GALNT17: variants seen among roughly 807,000 people sequenced by gnomAD.
GALNT17 encodes polypeptide N-acetylgalactosaminyltransferase 17.
In GALNT17, 29 loss-of-function variants were observed where a neutral mutation model predicts 63.7. That is an observed-to-expected ratio of 0.46 (90% CI 0.34 to 0.62). The LOEUF (loss-of-function observed/expected upper bound fraction) is 0.62. Among genes scored for constraint, GALNT17 ranks in the 20% least tolerant of loss-of-function variants. The pLI, the probability that GALNT17 is intolerant of heterozygous loss-of-function variation, is 0.01. For missense variants in GALNT17, 603 were observed against 799.6 expected (o/e 0.75, Z 2.97); for synonymous variants, 305 against 318.3 (o/e 0.96, Z 0.45).
intron 7 of GALNT17, among the ~76,000 whole-genome samples, chr7:71,667,015 C>A (rs963615319): frequency 6.6e-6 from 1 of 152,204 alleles, no homozygotes; most frequent in Non-Finnish European, 1.5e-5. Flanking sequence ...CTGAGAGTAG[C>A]ACCTGGCACA....
chr7:71,577,472 G>A (rs1789557768), intron 6 of GALNT17, among the ~76,000 whole-genome samples: 1 of 152,144 alleles, frequency 6.6e-6, no homozygotes, highest in Non-Finnish European at 1.5e-5. Context: ...AAGCCATCAT[G>A]GAGGAAAGGA....
intron 9 of GALNT17, among the ~76,000 whole-genome samples, chr7:71,684,077 T>G (rs1308001831): frequency 6.7e-6 from 1 of 150,088 alleles, no homozygotes; most frequent in African/African-American, 2.5e-5. Flanking sequence ...GGCTTGAACC[T>G]ATTTGGAACA....
intron 2 of GALNT17, among the ~76,000 whole-genome samples, chr7:71,363,427 T>G (rs1431871448): frequency 2.0e-5 from 3 of 152,234 alleles, no homozygotes; most frequent in Non-Finnish European, 4.4e-5. Context: ...ACACACGTTG[T>G]GTCCTGGTCA....
At chr7:71,197,185 T>G (rs1789067159) in intron 1 of GALNT17, among the ~76,000 whole-genome samples, 1 of 146,650 alleles carries the variant, frequency 6.8e-6, no homozygotes, top group East Asian at 2.0e-4. Context: ...ATAGTCACCC[T>G]GTTGTGCTTT....
At chr7:71,365,224 C>T (rs924914314) in intron 2 of GALNT17, among the ~76,000 whole-genome samples, 22 of 152,058 alleles carry the variant, frequency 1.4e-4, no homozygotes, top group African/African-American at 5.1e-4. Context: ...TAAGCCACCA[C>T]ATCCGGTCAT....
At chr7:71,370,004 T>C (rs1392957275) in intron 2 of GALNT17, among the ~76,000 whole-genome samples, 6 of 152,008 alleles carry the variant, frequency 3.9e-5, no homozygotes, top group African/African-American at 1.5e-4. Context: ...GAGGAAGCAA[T>C]TGGCCATGTA....
rs1789480882 is a variant in GALNT17, at chr7:71,216,523, AACAC to A, written c.238+83491_238+83494del. Among the ~76,000 whole-genome samples the A allele has an allele frequency of 3.9e-5, 6 of 151,952 alleles. No homozygotes were observed. In the South Asian group the frequency reaches 6.2e-4, roughly 16 times the overall value. ...CTAGGGGGTAATGTGCGCTTCTTAC[AACAC>A]ACACACATATACGTATATTATACAT... On this transcript the variant is annotated intron_variant, in intron 1 of 10. Transcript: ENST00000333538.
At chr7:71,675,364 A>AT (rs768911420) in intron 8 of GALNT17, among the ~76,000 whole-genome samples, 5 of 152,314 alleles carry the variant, frequency 3.3e-5, no homozygotes, top group Non-Finnish European at 7.4e-5. Flanking sequence ...TGAATGATAG[A>AT]TTTGATTGCA....
At position 71,699,138 on chromosome 7, in the gene GALNT17, C is replaced by T. The variant is rs371406556; in HGVS notation, c.1501-11623C>T. ...AGTGAGCCAAGATCATGCCACTGCA[C>T]GCCAGCCTAGGCAACAGAGCAAGAC... On this transcript the variant is annotated intron_variant, in intron 9 of 10. Transcript: ENST00000333538. 4.9e-4 allele frequency among the ~76,000 whole-genome samples: 66 copies of T among 133,950 alleles called. 1 individual carries two copies. Among genetic ancestry groups the T allele is most frequent in the African/African-American group, 1.5e-3 (52 of 35,630 alleles). The allele number at this position is 133,950 out of a possible 152,430, so 87.9% of individuals were successfully genotyped here.
At chr7:71,263,355 AAAAAC>A (rs1333934488) in intron 1 of GALNT17, among the ~76,000 whole-genome samples, 2 of 151,914 alleles carry the variant, frequency 1.3e-5, no homozygotes, top group Non-Finnish European at 2.9e-5. Context: ...CGAGACTCCA[AAAAAC>A]AAAACAAAAC....
chr7:71,304,146 C>T lies in GALNT17; in HGVS notation c.239-31404C>T, dbSNP rs183762073. On this transcript the variant is annotated intron_variant, in intron 1 of 10. Transcript: ENST00000333538. ...CTAGTTTCTGCAATTAGGGGAACCA[C>T]GTAGTTGATTTTTGCAAGCTTTCCT... 3.1e-3 allele frequency among the ~76,000 whole-genome samples: 477 copies of T among 152,264 alleles called. 2 individuals carry two copies. The highest frequency in any genetic ancestry group is 5.7e-3 in the Admixed American group (87 of 15,296).
intron 6 of GALNT17, among the ~76,000 whole-genome samples, chr7:71,617,688 G>A (rs1223978120): frequency 6.6e-6 from 1 of 151,700 alleles, no homozygotes; most frequent in African/African-American, 2.4e-5. Context: ...TGTCACCCAG[G>A]CTGGAGTGCT....
At chr7:71,453,111 A>G (rs1371623081) in intron 5 of GALNT17, among the ~76,000 whole-genome samples, 2 of 152,266 alleles carry the variant, frequency 1.3e-5, no homozygotes, top group East Asian at 1.9e-4. Context: ...GGGCATAAGT[A>G]CCCTGCCTGG....
intron 1 of GALNT17, among the ~76,000 whole-genome samples, chr7:71,142,529 G>A (rs1288376968): frequency 1.3e-5 from 2 of 152,228 alleles, no homozygotes; most frequent in Admixed American, 6.5e-5. Context: ...TCCTTGCCGC[G>A]AGGCGTAGAC....
At chr7:71,620,779 A>G (rs1790278366) in intron 6 of GALNT17, among the ~76,000 whole-genome samples, 2 of 152,212 alleles carry the variant, frequency 1.3e-5, no homozygotes, top group South Asian at 4.1e-4. Flanking sequence ...CAGAAGCATA[A>G]AGCCTTGTCA....
chr7:71,286,532 C>T (rs1280475599), intron 1 of GALNT17, among the ~76,000 whole-genome samples: 2 of 152,102 alleles, frequency 1.3e-5, no homozygotes, highest in East Asian at 3.9e-4. Flanking sequence ...AGGAAACACG[C>T]TCTGGGCTTG....
intron 2 of GALNT17, among the ~76,000 whole-genome samples, chr7:71,340,927 A>G (rs1791995360): frequency 2.0e-5 from 3 of 152,168 alleles, no homozygotes; most frequent in Admixed American, 6.5e-5. Context: ...AATTCCAGCT[A>G]CTTGGGAGGC....
At chr7:71,637,457 G>A (rs1264565089) in intron 6 of GALNT17, among the ~76,000 whole-genome samples, 3 of 151,394 alleles carry the variant, frequency 2.0e-5, no homozygotes, top group Non-Finnish European at 4.4e-5. Context: ...CCAAAGTGCT[G>A]GGATTACAGG....
At chr7:71,574,095 A>G (rs1166254283) in intron 6 of GALNT17, among the ~76,000 whole-genome samples, 1 of 152,134 alleles carries the variant, frequency 6.6e-6, no homozygotes, top group African/African-American at 2.4e-5. Flanking sequence ...TGTCTTTGCT[A>G]TTGTGAATAG....
Sources: allele counts gnomAD v4.1 joint callset (sites outside exome capture counted in the v4.1 genomes callset), GRCh38; gene constraint gnomAD v4.1.1; transcripts MANE v1.5; gene names NCBI Gene and HGNC (gene_info 2026-07-23, HGNC 2026-07-21).